NETO1: variants seen among roughly 807,000 people sequenced by gnomAD.
NETO1 encodes the protein neuropilin and tolloid-like protein 1.
NETO1 carries 26 observed loss-of-function variants against 61.3 expected under a neutral mutation model. The observed-to-expected ratio is 0.42, with a 90% confidence interval of 0.31 to 0.59. NETO1 has a LOEUF of 0.59. Among genes scored for constraint, NETO1 ranks in the 20% least tolerant of loss-of-function variants. The pLI is 0.12. For missense variants in NETO1, 531 were observed against 662.8 expected, an observed-to-expected ratio of 0.80 and a Z score of 2.18; for synonymous variants, 225 against 225.8, an observed-to-expected ratio of 1.00 and a Z score of 0.03.
chr18:72,806,335 G>T (rs1325758320), intron 4 of NETO1, among the ~76,000 whole-genome samples: 1 of 152,122 alleles, frequency 6.6e-6, no homozygotes, highest in Non-Finnish European at 1.5e-5. Flanking sequence ...GAGCTAGGAA[G>T]TTATTCAACT....
chr18:72,826,465 G>T (rs2073377233), intron 4 of NETO1, among the ~76,000 whole-genome samples: 1 of 151,722 alleles, frequency 6.6e-6, no homozygotes, highest in African/African-American at 2.4e-5. Flanking sequence ...TAAATTGGTA[G>T]ATTTATTCTG....
At chr18:72,828,566 T>C (rs903509204) in intron 4 of NETO1, among the ~76,000 whole-genome samples, 3 of 152,226 alleles carry the variant, frequency 2.0e-5, no homozygotes, top group African/African-American at 7.2e-5. Flanking sequence ...GTTGGCAATA[T>C]TTAAAGAAAT....
At chr18:72,825,950 T>C (rs939896025) in intron 4 of NETO1, among the ~76,000 whole-genome samples, 4 of 152,186 alleles carry the variant, frequency 2.6e-5, no homozygotes, top group Non-Finnish European at 2.9e-5. Context: ...TTGCATATAA[T>C]TTGTGTATTC....
chr18:72,788,996 C>T (rs2072017889), intron 6 of NETO1, among the ~76,000 whole-genome samples: 1 of 152,060 alleles, frequency 6.6e-6, no homozygotes, highest in African/African-American at 2.4e-5. Context: ...AAATGCTGTA[C>T]ATGGTTTCAA....
At chr18:72,820,981 A>C (rs1222553783) in intron 4 of NETO1, among the ~76,000 whole-genome samples, 1 of 152,116 alleles carries the variant, frequency 6.6e-6, no homozygotes, top group East Asian at 1.9e-4. Flanking sequence ...TATAGGTGAT[A>C]GATAGACAGA....
intron 6 of NETO1, 121 bp downstream of exon 6, chr18:72,793,996 C>G: frequency 7.7e-7 from 1 of 1,292,472 alleles, no homozygotes. Flanking sequence ...AAAATGAAAT[C>G]ATAGCCTTTG....
At chr18:72,812,758 A>C (rs946957958) in intron 4 of NETO1, among the ~76,000 whole-genome samples, 1 of 152,084 alleles carries the variant, frequency 6.6e-6, no homozygotes, top group African/African-American at 2.4e-5. Flanking sequence ...TTCTCCTATA[A>C]ATAACTCATA....
chr18:72,867,225 G>C (rs775449821), intron 1 of NETO1, 39 bp downstream of exon 1: 3 of 1,498,246 alleles, frequency 2.0e-6, no homozygotes, highest in Non-Finnish European at 2.7e-6. Context: ...GGGAGGGCTG[G>C]CTCCGGGAGC....
At chr18:72,855,744 T>G (rs1737986101) in intron 4 of NETO1, among the ~76,000 whole-genome samples, 1 of 152,230 alleles carries the variant, frequency 6.6e-6, no homozygotes. Context: ...CAAATTAGTT[T>G]GCCAGTCAGG....
intron 4 of NETO1, among the ~76,000 whole-genome samples, chr18:72,842,257 T>G (rs2073957750): frequency 6.6e-6 from 1 of 152,162 alleles, no homozygotes; most frequent in Non-Finnish European, 1.5e-5. Context: ...AACACATCGA[T>G]TGAGGGAATT....
Position 72,749,148 on chromosome 18 carries a change from C to A in NETO1, c.1542-60G>T, listed in dbSNP as rs2070507070. 27 of 969,260 alleles carry A rather than the reference C, an allele frequency of 2.8e-5. 1 individual carries two copies. The South Asian group carries it at 3.6e-4, about 13-fold the overall frequency. The allele number at this position is 969,260 out of a possible 1,614,324, so 60.0% of individuals were successfully genotyped here. On this transcript the variant is annotated intron_variant, in intron 9 of 10. Coordinates refer to ENST00000327305, the MANE Select transcript of NETO1 (RefSeq NM_138966.5). ...CTATTTGCACAAAAAAATATGTATA[C>A]AAATATTTACTCAAAAGCATTTTTA...
At chr18:72,754,247 G>C (rs1599091247) in intron 8 of NETO1, among the ~76,000 whole-genome samples, 1 of 151,872 alleles carries the variant, frequency 6.6e-6, no homozygotes, top group Non-Finnish European at 1.5e-5. Context: ...ACTTAAGGCA[G>C]AAGAAAGCAA....
rs117664678 is a variant in NETO1 at position 72,855,453 on chromosome 18, C to T, written c.469+3373G>A. Among the ~76,000 whole-genome samples, 803 of 152,294 alleles carry T rather than the reference C, an allele frequency of 5.3e-3. 6 individuals are homozygous for T. Among genetic ancestry groups the T allele is most frequent in the Middle Eastern group, 0.014 (4 of 294 alleles). On this transcript the variant is annotated intron_variant, in intron 4 of 10. Transcript: ENST00000327305. ...CACAGTCTGTAAAAATAACCGTCAG[C>T]AAACCAGAAAGTGAGGATTCATCAA...
At chr18:72,811,101 T>C (rs1042116787) in intron 4 of NETO1, among the ~76,000 whole-genome samples, 5 of 152,148 alleles carry the variant, frequency 3.3e-5, no homozygotes, top group African/African-American at 4.8e-5. Context: ...ATGGTGTTCT[T>C]TGTCACGGCC....
chr18:72,840,202 G>C (rs1364585485), intron 4 of NETO1, among the ~76,000 whole-genome samples: 1 of 152,122 alleles, frequency 6.6e-6, no homozygotes, highest in African/African-American at 2.4e-5. Flanking sequence ...TCTCCAGTGA[G>C]GACACTAGCT....
intron 4 of NETO1, among the ~76,000 whole-genome samples, chr18:72,827,086 CTTTCT>C (rs2073399484): frequency 1.5e-5 from 1 of 68,478 alleles, no homozygotes; most frequent in African/African-American, 5.5e-5. Context: ...ATATTCAATG[CTTTCT>C]TTTTTTTTTT....
At chr18:72,837,197 G>A (rs1334397989) in intron 4 of NETO1, among the ~76,000 whole-genome samples, 1 of 152,158 alleles carries the variant, frequency 6.6e-6, no homozygotes, top group African/African-American at 2.4e-5. Context: ...GTATTTTTCA[G>A]AATGTGGCAT....
chr18:72,848,844 T>G (rs575658205), intron 4 of NETO1, among the ~76,000 whole-genome samples: 45 of 152,362 alleles, frequency 3.0e-4, no homozygotes, highest in Middle Eastern at 3.4e-3. Context: ...AATCTTTATA[T>G]CTGTCTCCTT....
chr18:72,807,204 A>G (rs1308706250), intron 4 of NETO1, among the ~76,000 whole-genome samples: 1 of 152,184 alleles, frequency 6.6e-6, no homozygotes, highest in Non-Finnish European at 1.5e-5. Context: ...GGGGTTGACA[A>G]TTATAGCTTC....
Sources: allele counts gnomAD v4.1 joint callset (sites outside exome capture counted in the v4.1 genomes callset), GRCh38; gene constraint gnomAD v4.1.1; transcripts MANE v1.5; gene names NCBI Gene and HGNC (gene_info 2026-07-23, HGNC 2026-07-21).